INTS6: variants seen among roughly 807,000 people sequenced by gnomAD.
INTS6 encodes DEAD box protein.
A neutral mutation model predicts 104.9 loss-of-function variants in INTS6; 16 were observed. The observed-to-expected ratio is 0.15, with a 90% CI of 0.10 to 0.23. The LOEUF (loss-of-function observed/expected upper bound fraction) is 0.23, where lower values mean the gene tolerates loss of function less well. Ranked by LOEUF, INTS6 falls within the 10% of genes least tolerant of loss-of-function variation. The pLI is 1.00. For synonymous variants in INTS6, 324 were observed against 358.7 expected, an observed-to-expected ratio of 0.90 and a Z score of 1.09; for missense variants, 584 against 1,062.8, an observed-to-expected ratio of 0.55 and a Z score of 6.26.
chr13:51,378,391 T>G lies in INTS6; in HGVS notation c.1450A>C (p.Ile484Leu), dbSNP rs1955977466. The G allele has an allele frequency of 2.5e-6, 4 of 1,613,500 alleles. No individual in the cohort carries two copies. The East Asian group carries it at 8.9e-5, about 36-fold the overall frequency. Residue 484 changes from isoleucine to leucine, a missense_variant, in exon 12 of 18, where the codon ATA becomes CTA. By Grantham distance (5) the Ile-to-Leu change is conservative (BLOSUM62 2). Transcript: ENST00000311234. ...CCATGTGATCGGCTCCGGACTTTTA[T>G]TCCAGTCTCCTGTACTACTTTTTTG... ...VGKKVVQETG[I>L]KVRSRSHGLS...
chr13:51,429,471 A>C (rs1316588343), intron 4 of INTS6, among the ~76,000 whole-genome samples: 1 of 152,130 alleles, frequency 6.6e-6, no homozygotes, highest in Non-Finnish European at 1.5e-5. Flanking sequence ...GGTTAGCTAT[A>C]AATTTTTTAT....
chr13:51,450,112 G>C, intron 3 of INTS6: 1 of 985,286 alleles, frequency 1.0e-6, no homozygotes, highest in Non-Finnish European at 1.2e-6. Flanking sequence ...AGGGACTGTG[G>C]GACTTGGGAA....
the INTS6 span, chr13:51,348,654 AAG>A: frequency 2.0e-6 from 1 of 493,596 alleles, no homozygotes; most frequent in Non-Finnish European, 3.6e-6. Flanking sequence ...TTTCCAAGAC[AAG>A]ATATTCTGCC....
downstream of INTS6, among the ~76,000 whole-genome samples, chr13:51,357,216 A>G (rs1955493882): frequency 6.6e-6 from 1 of 152,190 alleles, no homozygotes; most frequent in Non-Finnish European, 1.5e-5. Context: ...AACATAATCA[A>G]GAGACTAACC....
At chr13:51,397,877 G>A (rs373182065) in intron 4 of INTS6, among the ~76,000 whole-genome samples, 8 of 151,710 alleles carry the variant, frequency 5.3e-5, no homozygotes, top group African/African-American at 1.2e-4. Context: ...CATCTGCAAC[G>A]CAGACAATAT....
intron 3 of INTS6, chr13:51,442,972 C>G (rs914606822): frequency 6.6e-6 from 1 of 152,130 alleles, no homozygotes; most frequent in Non-Finnish European, 1.5e-5. Context: ...ACAAGAAAGA[C>G]TAAATGTAAC....
chr13:51,446,201 G>A (rs1278644900), intron 3 of INTS6: 1 of 152,098 alleles, frequency 6.6e-6, no homozygotes, highest in Non-Finnish European at 1.5e-5. Flanking sequence ...AAAATATAAA[G>A]AAATCCTAAA....
At chr13:51,419,592 C>T (rs1383349456) in intron 4 of INTS6, among the ~76,000 whole-genome samples, 1 of 152,212 alleles carries the variant, frequency 6.6e-6, no homozygotes, top group African/African-American at 2.4e-5. Flanking sequence ...ACTTTCTCAA[C>T]TGTACCATCT....
chr13:51,433,686 C>T (rs1438328772), intron 3 of INTS6, among the ~76,000 whole-genome samples: 1 of 152,182 alleles, frequency 6.6e-6, no homozygotes, highest in African/African-American at 2.4e-5. Context: ...AACAGAAAGT[C>T]TGAGTTATTA....
rs534971910 is a variant in INTS6 at position 51,384,830 on chromosome 13, C to T, written c.895-1089G>A. 7.3e-4 allele frequency: 276 copies of T among 378,306 alleles called. 4 individuals are homozygous for T. The highest frequency in any genetic ancestry group is 5.1e-3 in the South Asian group (252 of 49,802). The allele number at this position is 378,306 out of a possible 1,614,324, so 23.4% of individuals were successfully genotyped here. On this transcript the variant is annotated intron_variant, in intron 7 of 17. Transcript: ENST00000311234. The stretch of plus-strand genomic sequence containing the variant: ...CTCATCTCTCTAGAAATGTTATCTT[C>T]TATTTCTTACCACTTTAATTTGGGC...
At chr13:51,396,901 A>C (rs1270108361) in intron 4 of INTS6, among the ~76,000 whole-genome samples, 1 of 152,192 alleles carries the variant, frequency 6.6e-6, no homozygotes, top group African/African-American at 2.4e-5. Flanking sequence ...AGATTATATT[A>C]CTGGAATTGT....
chr13:51,363,567 A>G lies in INTS6; in HGVS notation c.*2185T>C, dbSNP rs1955626366. 1 of 151,992 alleles carries G rather than the reference A, an allele frequency of 6.6e-6. No individual in the cohort carries two copies. The allele number at this position is 151,992 out of a possible 1,614,324, so 9.4% of individuals were successfully genotyped here. A position where few individuals can be genotyped will look rare whatever the true frequency, so the allele number is the denominator to read the frequency against. ...CCAAGAATATCATTTGTCGAGCCTT[A>G]AGTCATTCAGTGACATAAAGGGCCT... On this transcript the variant is annotated 3_prime_UTR_variant, in exon 18 of 18. Coordinates refer to ENST00000311234, the MANE Select transcript of INTS6 (RefSeq NM_012141.3).
intron 3 of INTS6, chr13:51,446,471 A>C (rs890769652): frequency 1.8e-4 from 27 of 152,336 alleles, no homozygotes; most frequent in African/African-American, 6.5e-4. Context: ...GTAAAATGGT[A>C]CAACTGCTAT....
At chr13:51,403,583 A>AAAAAAAAAAAGAAAAAAAAAAG (rs61204660) in intron 4 of INTS6, among the ~76,000 whole-genome samples, 117 of 106,408 alleles carry the variant, frequency 1.1e-3, no homozygotes, top group Non-Finnish European at 1.6e-3. Flanking sequence ...CTCCATTTCA[A>AAAAAAAAAAAGAAAAAAAAAAG]AAAAAAAAAA....
At chr13:51,358,547 T>A (rs554382826), downstream of INTS6, among the ~76,000 whole-genome samples, 6 of 152,224 alleles carry the variant, frequency 3.9e-5, no homozygotes, top group South Asian at 1.2e-3. Context: ...TCCTTACAAG[T>A]TTAACAAGGT....
intron 4 of INTS6, among the ~76,000 whole-genome samples, chr13:51,399,135 G>A (rs1956390622): frequency 6.6e-6 from 1 of 152,154 alleles, no homozygotes; most frequent in Admixed American, 6.5e-5. Context: ...GTAAAGGTAA[G>A]AATCACCTAT....
At chr13:51,431,394 T>C (rs1200692930) in intron 3 of INTS6, among the ~76,000 whole-genome samples, 4 of 152,144 alleles carry the variant, frequency 2.6e-5, no homozygotes, top group African/African-American at 9.7e-5. Flanking sequence ...TAAAATGCAA[T>C]TTCTGATTAT....
At position 51,364,187 on chromosome 13, in the gene INTS6, G is replaced by A; in HGVS notation, c.*1565C>T. Reference sequence around the variant, plus strand: ...TGTATAGAAGTAAACAAAGCTTAAAGAACTGCATATGAAAATACTATATAA... The same window carrying A: ...TGTATAGAAGTAAACAAAGCTTAAAAAACTGCATATGAAAATACTATATAA... On this transcript the variant is annotated 3_prime_UTR_variant, in exon 18 of 18. Coordinates refer to ENST00000311234, the MANE Select transcript of INTS6 (RefSeq NM_012141.3). The A allele has an allele frequency of 2.3e-6, 2 of 861,856 alleles. No individual in the cohort carries two copies. The highest frequency in any genetic ancestry group is 3.5e-6 in the Non-Finnish European group (2 of 571,758). 53.4% of individuals were successfully genotyped at this position (861,856 alleles called of 1,614,324 possible). A position where few individuals can be genotyped will look rare whatever the true frequency, so the allele number is the denominator to read the frequency against.
chr13:51,340,935 C>T, the INTS6 span: 1 of 764,678 alleles, frequency 1.3e-6, no homozygotes, highest in South Asian at 1.8e-5. Flanking sequence ...GGTAGGTAAC[C>T]AAGACAGCTC....
Sources: allele counts gnomAD v4.1 joint callset (sites outside exome capture counted in the v4.1 genomes callset), GRCh38; gene constraint gnomAD v4.1.1; transcripts MANE v1.5; gene names NCBI Gene and HGNC (gene_info 2026-07-23, HGNC 2026-07-21).